Variants in CEP192 observed in about 807,000 individuals in gnomAD.
CEP192 encodes centrosomal protein of 192 kDa.
A neutral mutation model predicts 271.8 loss-of-function variants in CEP192; 151 were observed. The observed-to-expected ratio is 0.56, with a 90% CI of 0.49 to 0.64. CEP192 has a LOEUF of 0.64. CEP192 is among the 30% of genes least tolerant of loss of function. The probability of loss-of-function intolerance (pLI) is 0.00; values close to 1 mark genes in which losing one functional copy is unlikely to be tolerated. For missense variants in CEP192, 2,910 were observed against 3,020.5 expected (o/e 0.96, Z 0.86); for synonymous variants, 995 against 1,076.5 (o/e 0.92, Z 1.48).
Position 13,049,191 on chromosome 18 carries a change from T to C in CEP192, c.2400T>C (p.Phe800=), listed in dbSNP as rs1382363228. Residue 800 remains phenylalanine, a synonymous_variant, in exon 16 of 45, where the codon TTT becomes TTC. Transcript: ENST00000506447. ...GATATGAAAGTGCATTGGAAAACTT[T>C]TCAAGGGCTAGTATGTCTGATACTT... The part of the protein sequence containing the change: ...VSRYESALEN[F]SRASMSDTWD... The C allele has an allele frequency of 1.9e-6, 3 of 1,614,020 alleles. No individual in the cohort carries two copies. The South Asian group carries it at 3.3e-5, about 18-fold the overall frequency.
At chr18:13,091,796 A>G (rs1016792472) in intron 33 of CEP192, among the ~76,000 whole-genome samples, 2 of 152,206 alleles carry the variant, frequency 1.3e-5, no homozygotes, top group Non-Finnish European at 2.9e-5. Flanking sequence ...ATCTATAAAT[A>G]TTTAATTAAA....
chr18:13,054,231 C>T (rs2036960730), intron 18 of CEP192, among the ~76,000 whole-genome samples: 1 of 152,216 alleles, frequency 6.6e-6, no homozygotes, highest in African/African-American at 2.4e-5. Context: ...TGTAGTGGTT[C>T]AGGCAAGAGA....
rs781047349 is a variant in CEP192 at position 13,099,484 on chromosome 18, T to A, written c.6566T>A (p.Leu2189Gln). Residue 2189 changes from leucine to glutamine, a missense_variant, in exon 37 of 45, where the codon CTA becomes CAA. Leu to Gln is a moderately radical substitution (Grantham distance 113). Transcript: ENST00000506447. ...ATTAATTTTTTTTAAAGGAGTAAAC[T>A]ACAAATTCTTGTGAGTCCTAATTCC... is the stretch of plus-strand genomic sequence containing the variant. ...QHGCVAPESK[L>Q]QILVSPNSSL... 2.6e-6 allele frequency: 4 copies of A among 1,554,270 alleles called. No homozygotes were observed. The South Asian group carries it at 4.7e-5, about 18-fold the overall frequency.
At chr18:13,031,596 T>C (rs1453435113) in intron 11 of CEP192, among the ~76,000 whole-genome samples, 1 of 152,066 alleles carries the variant, frequency 6.6e-6, no homozygotes, top group Non-Finnish European at 1.5e-5. Flanking sequence ...AGTTATCCCA[T>C]CTACTGCTTG....
chr18:13,100,275 T>C (rs2039643384), intron 37 of CEP192, 30 bp from the exon 38 acceptor site: 2 of 1,496,166 alleles, frequency 1.3e-6, no homozygotes, highest in Non-Finnish European at 1.9e-6. Flanking sequence ...GATACGTTTG[T>C]AGCTTATCCC....
intron 1 of CEP192, among the ~76,000 whole-genome samples, chr18:12,993,834 A>T (rs1599005740): frequency 6.6e-6 from 1 of 152,238 alleles, no homozygotes; most frequent in Non-Finnish European, 1.5e-5. Context: ...ATGTGAAATA[A>T]TTAGCACATT....
At chr18:13,040,594 TAGTA>T (rs768011391) in intron 13 of CEP192, among the ~76,000 whole-genome samples, 9 of 152,220 alleles carry the variant, frequency 5.9e-5, no homozygotes, top group Non-Finnish European at 1.2e-4. Flanking sequence ...TTGAATTTCT[TAGTA>T]AGGGCAATTT....
At position 13,042,308 on chromosome 18, in the gene CEP192, T is replaced by G. The variant is rs565385787; in HGVS notation, c.2041T>G (p.Leu681Val). Residue 681 changes from leucine (L) to valine (V), a missense_variant, in exon 15 of 45, where the codon TTA becomes GTA. By Grantham distance (32) the Leu-to-Val change is conservative. Transcript: ENST00000506447. The stretch of plus-strand genomic sequence containing the variant: ...ACAAGTGGATGAAAATGATGTGACG[T>G]TAACGGCTGATAAAGGCAAAACAGA... ...TSQVDENDVT[L>V]TADKGKTEDT... The G allele has an allele frequency of 6.2e-7, 1 of 1,614,132 alleles. No homozygotes were observed. The highest frequency in any genetic ancestry group is 1.1e-5 in the South Asian group (1 of 91,080).
chr18:13,004,299 CT>C (rs59209178), intron 3 of CEP192, among the ~76,000 whole-genome samples: 18 of 147,656 alleles, frequency 1.2e-4, no homozygotes, highest in Admixed American at 2.0e-4. Context: ...AGAAGTTTCA[CT>C]TTTTTTTTTT....
chr18:13,082,161 G>T (rs1316059610), intron 30 of CEP192, among the ~76,000 whole-genome samples: 2 of 152,190 alleles, frequency 1.3e-5, no homozygotes, highest in Non-Finnish European at 2.9e-5. Flanking sequence ...GGATATCCTT[G>T]TTAACCTTCT....
At chr18:13,062,579 A>G (rs2037466870) in intron 21 of CEP192, among the ~76,000 whole-genome samples, 1 of 151,104 alleles carries the variant, frequency 6.6e-6, no homozygotes, top group Admixed American at 6.6e-5. Context: ...TTTAATTTAA[A>G]ATTTTTCTTT....
chr18:13,023,245 C>A (rs749315381), intron 9 of CEP192, among the ~76,000 whole-genome samples: 1 of 151,932 alleles, frequency 6.6e-6, no homozygotes, highest in Non-Finnish European at 1.5e-5. Flanking sequence ...ATTTCCTTTT[C>A]GTGTCTTAAT....
intron 40 of CEP192, 122 bp from the exon 41 acceptor site, chr18:13,113,464 T>C (rs2040296058): frequency 1.1e-6 from 1 of 922,532 alleles, no homozygotes; most frequent in Non-Finnish European, 1.7e-6. Context: ...ATGGCAAAAC[T>C]AGCCAGTGCA....
At chr18:13,121,060 T>TA (rs1437273835) in intron 44 of CEP192, among the ~76,000 whole-genome samples, 3 of 151,552 alleles carry the variant, frequency 2.0e-5, no homozygotes, top group East Asian at 3.9e-4. Flanking sequence ...CATGGGGACT[T>TA]ACGGCATTGT....
Position 13,054,197 on chromosome 18 carries a change from A to G in CEP192, c.3189+1107A>G, listed in dbSNP as rs1319168253. ...AGGGAACAGTAGGAGCAAAATTAAA[A>G]TAGGAGATTTGACATGAGGCCACTG... On this transcript the variant is annotated intron_variant, in intron 18 of 44. Transcript: ENST00000506447. 2.0e-5 allele frequency among the ~76,000 whole-genome samples: 3 copies of G among 152,236 alleles called. No homozygotes were observed. In the South Asian group the frequency reaches 6.2e-4, roughly 32 times the overall value.
chr18:13,015,515 C>G, intron 6 of CEP192, 67 bp downstream of exon 6: 15 of 1,507,946 alleles, frequency 9.9e-6, no homozygotes, highest in Middle Eastern at 1.7e-4. Context: ...TTCTTTGTTG[C>G]AGTAGTTATG....
chr18:13,025,465 C>T (rs553681305), intron 9 of CEP192, among the ~76,000 whole-genome samples: 54 of 152,186 alleles, frequency 3.5e-4, no homozygotes, highest in Non-Finnish European at 6.2e-4. Flanking sequence ...GATTCTCCCA[C>T]CTTGGCCTCC....
At chr18:13,005,464 G>A (rs1264850085) in intron 3 of CEP192, among the ~76,000 whole-genome samples, 1 of 152,174 alleles carries the variant, frequency 6.6e-6, no homozygotes, top group Non-Finnish European at 1.5e-5. Context: ...ACCTGTTGCT[G>A]TGAGGAAACT....
chr18:13,029,752 T>C lies in CEP192; in HGVS notation c.1140T>C (p.Asn380=), dbSNP rs1599119047. The change falls in exon 10 of 45, where the codon AAT becomes AAC. Residue 380 remains asparagine, a synonymous_variant. Coordinates refer to ENST00000506447, the MANE Select transcript of CEP192 (RefSeq NM_032142.4). ...ATAATTTTCATGATGCAAATGCCAA[T>C]AGAGGTGGTTTTGATCTGACTGACC... is the stretch of plus-strand genomic sequence containing the variant. ...NSDNFHDANA[N]RGGFDLTDPV... 4 of 1,551,602 alleles carry C rather than the reference T, an allele frequency of 2.6e-6. No homozygotes were observed. Among genetic ancestry groups the C allele is most frequent in the African/African-American group, 1.4e-5 (1 of 73,170 alleles).
Sources: gnomAD v4.1 joint callset for allele counts (sites outside exome capture counted in the v4.1 genomes callset) on GRCh38, gnomAD v4.1.1 for gene constraint, MANE v1.5 for transcripts, NCBI Gene and HGNC (gene_info 2026-07-23, HGNC 2026-07-21) for gene names.